Variants in RERE observed in about 807,000 individuals in gnomAD.
RERE encodes arginine-glutamic acid dipeptide repeats.
A neutral mutation model predicts 146.1 loss-of-function variants in RERE; 40 were observed. The ratio of observed to expected loss-of-function variants is 0.27; its 90% CI spans 0.21 to 0.36. RERE has a LOEUF of 0.36. RERE is among the 10% of genes least tolerant of loss of function. The pLI is 1.00. For missense variants in RERE, 1,933 were observed against 2,138.7 expected (o/e 0.90, Z 1.90); for synonymous variants, 1,003 against 866.0 (o/e 1.16, Z -2.78).
At chr1:8,632,191 C>T (rs1184057890) in intron 2 of RERE, among the ~76,000 whole-genome samples, 1 of 152,108 alleles carries the variant, frequency 6.6e-6, no homozygotes, top group African/African-American at 2.4e-5. Context: ...GAACATTGTG[C>T]CCAGTATTTA....
intron 1 of RERE, among the ~76,000 whole-genome samples, chr1:8,668,924 C>CTGTGTGTGTG (rs58718828): frequency 0.025 from 2,085 of 83,500 alleles, 218 homozygotes; most frequent in Middle Eastern, 0.057. Flanking sequence ...GCACTAAACT[C>CTGTGTGTGTG]TGTGTGTGTG....
At chr1:8,447,207 A>C (rs1425721947) in intron 11 of RERE, among the ~76,000 whole-genome samples, 1 of 150,986 alleles carries the variant, frequency 6.6e-6, no homozygotes, top group East Asian at 2.0e-4. Flanking sequence ...CCTTTTTTCA[A>C]GGTTCTTAGC....
At chr1:8,370,238 G>A (rs1641983376) in intron 12 of RERE, among the ~76,000 whole-genome samples, 1 of 152,090 alleles carries the variant, frequency 6.6e-6, no homozygotes. Context: ...GCAACACCAT[G>A]CTGCATGAAA....
intron 10 of RERE, among the ~76,000 whole-genome samples, chr1:8,492,197 C>G (rs72866101): frequency 6.6e-6 from 1 of 151,942 alleles, no homozygotes; most frequent in Non-Finnish European, 1.5e-5. Context: ...AATTGTACAA[C>G]AAAAAAATCT....
chr1:8,559,867 AC>A (rs1646057599), intron 4 of RERE, among the ~76,000 whole-genome samples: 3 of 152,262 alleles, frequency 2.0e-5, no homozygotes, highest in Non-Finnish European at 4.4e-5. Context: ...GACCAAATAC[AC>A]AGGCAGCAAG....
At chr1:8,501,830 G>A (rs577647395) in intron 8 of RERE, among the ~76,000 whole-genome samples, 2,597 of 79,378 alleles carry the variant, frequency 0.033, 215 homozygotes, top group African/African-American at 0.1. Context: ...CCGGCTGCCC[G>A]TACTGGGAAG....
intron 2 of RERE, among the ~76,000 whole-genome samples, chr1:8,649,091 C>T (rs1321398273): frequency 2.0e-5 from 3 of 152,094 alleles, no homozygotes; most frequent in Admixed American, 2.0e-4. Context: ...AATTAATATG[C>T]CACCTACAGC....
At chr1:8,444,164 T>C (rs1283928230) in intron 11 of RERE, among the ~76,000 whole-genome samples, 2 of 152,148 alleles carry the variant, frequency 1.3e-5, no homozygotes, top group Non-Finnish European at 2.9e-5. Context: ...GCCACAGAAG[T>C]GGAAGTGCCC....
At chr1:8,696,869 C>A (rs1341426913) in intron 1 of RERE, among the ~76,000 whole-genome samples, 3 of 152,026 alleles carry the variant, frequency 2.0e-5, no homozygotes, top group African/African-American at 7.2e-5. Context: ...GAGATTGCGC[C>A]ACTGCACTCC....
At chr1:8,716,253 A>G (rs1639761797) in intron 1 of RERE, among the ~76,000 whole-genome samples, 1 of 149,946 alleles carries the variant, frequency 6.7e-6, no homozygotes, top group South Asian at 2.1e-4. Context: ...ACTTGAGCTC[A>G]GGAGTTCAAG....
intron 1 of RERE, among the ~76,000 whole-genome samples, chr1:8,711,815 C>A (rs960277849): frequency 5.3e-5 from 8 of 152,106 alleles, no homozygotes; most frequent in Non-Finnish European, 7.4e-5. Flanking sequence ...ATTAACCAGA[C>A]AGATAATTGT....
At chr1:8,629,613 T>C (rs1000346853) in intron 2 of RERE, among the ~76,000 whole-genome samples, 3 of 152,138 alleles carry the variant, frequency 2.0e-5, no homozygotes, top group Admixed American at 2.0e-4. Flanking sequence ...AGTGTGTCAT[T>C]ATGAAACACA....
At chr1:8,393,666 T>C (rs141125377) in intron 12 of RERE, among the ~76,000 whole-genome samples, 189 of 152,278 alleles carry the variant, frequency 1.2e-3, no homozygotes, top group African/African-American at 4.4e-3. Context: ...TCAATATTAT[T>C]TGAAAAGCAT....
intron 1 of RERE, among the ~76,000 whole-genome samples, chr1:8,661,676 G>A (rs1419834816): frequency 6.6e-6 from 1 of 151,820 alleles, no homozygotes; most frequent in Non-Finnish European, 1.5e-5. Context: ...AGAGAGAGAG[G>A]GAAAAAAGAA....
chr1:8,360,151 G>C lies in RERE; in HGVS notation c.3356C>G (p.Thr1119Ser). The change falls in exon 18 of 23, where the codon ACT becomes AGT. Residue 1119 changes from threonine (T) to serine (S), a missense_variant. Thr to Ser is a moderately conservative substitution (Grantham distance 58, BLOSUM62 1). Coordinates refer to ENST00000400908, the MANE Select transcript of RERE (RefSeq NM_001042681.2). ...GGCGTGACTGGGGGTGTCCACCACA[G>C]TGGGCTCCGGGGACGGGCTCCTTGG... is the stretch of plus-strand genomic sequence containing the variant. ...PPPRSPSPEP[T>S]VVDTPSHASQ... 1 of 1,596,590 alleles carries C rather than the reference G, an allele frequency of 6.3e-7. No homozygotes were observed. The highest frequency in any genetic ancestry group is 8.5e-7 in the Non-Finnish European group (1 of 1,171,470).
intron 2 of RERE, among the ~76,000 whole-genome samples, chr1:8,626,598 A>C (rs1165191777): frequency 1.3e-5 from 2 of 152,184 alleles, no homozygotes; most frequent in Non-Finnish European, 2.9e-5. Context: ...CCCCTCTCTG[A>C]CCACAGACAT....
At position 8,366,925 on chromosome 1, in the gene RERE, A is replaced by C. The variant is rs1454048638; in HGVS notation, c.1285-951T>G. Among the ~76,000 whole-genome samples the C allele has an allele frequency of 7.2e-4, 107 of 149,644 alleles. 2 individuals carry two copies. Among genetic ancestry groups the C allele is most frequent in the African/African-American group, 2.3e-3 (91 of 40,040 alleles). On this transcript the variant is annotated intron_variant, in intron 12 of 22. Coordinates refer to ENST00000400908, the MANE Select transcript of RERE (RefSeq NM_001042681.2). ...AACTGAAAAAAAAAAACAAAAAAAA[A>C]AAACAAAAAAAAAAAACCCAAAAAA...
At chr1:8,433,553 C>CTTTTTTTT (rs35096712) in intron 11 of RERE, among the ~76,000 whole-genome samples, 3 of 130,216 alleles carry the variant, frequency 2.3e-5, no homozygotes, top group African/African-American at 5.9e-5. Flanking sequence ...CCATTCATTT[C>CTTTTTTTT]TTTTTTTTTT....
Position 8,543,058 on chromosome 1 carries a change from G to A in RERE, c.726-1740C>T, listed in dbSNP as rs1432337344. 2.6e-5 allele frequency among the ~76,000 whole-genome samples: 4 copies of A among 152,234 alleles called. No individual in the cohort carries two copies. In the East Asian group the frequency reaches 5.8e-4, roughly 22 times the overall value. ...ACGTATGGCTACTAGCTACCATAGT[G>A]AACAACACAGATTTATAAGACATTT... is the stretch of plus-strand genomic sequence containing the variant. On this transcript the variant is annotated intron_variant, in intron 6 of 22. Transcript: ENST00000400908.
Sources: gnomAD v4.1 joint callset for allele counts (sites outside exome capture counted in the v4.1 genomes callset) on GRCh38, gnomAD v4.1.1 for gene constraint, MANE v1.5 for transcripts, NCBI Gene and HGNC (gene_info 2026-07-23, HGNC 2026-07-21) for gene names.